Variants in CACNG2 observed in about 807,000 individuals in gnomAD.
CACNG2 encodes voltage-dependent calcium channel gamma-2 subunit.
In CACNG2, 3 loss-of-function variants were observed where a neutral mutation model predicts 25.9. The ratio of observed to expected loss-of-function variants is 0.12; its 90% CI spans 0.05 to 0.30. CACNG2 has a LOEUF of 0.30. Among genes scored for constraint, CACNG2 ranks in the 10% least tolerant of loss-of-function variants. The pLI is 1.00. For synonymous variants in CACNG2, 167 were observed against 173.3 expected, an observed-to-expected ratio of 0.96 and a Z score of 0.29; for missense variants, 341 against 432.5, an observed-to-expected ratio of 0.79 and a Z score of 1.88.
intron 1 of CACNG2, among the ~76,000 whole-genome samples, chr22:36,642,563 T>C (rs1389598192): frequency 6.6e-6 from 1 of 152,210 alleles, no homozygotes; most frequent in Non-Finnish European, 1.5e-5. Flanking sequence ...TTCTATTGCA[T>C]CAGTAAAGCC....
rs894714183 is a variant in CACNG2 at position 36,692,315 on chromosome 22, G to A, written c.211+10051C>T. ...CAAGGTCAAAGAAGTTCAGGAGAGA[G>A]TGAATGAATATAGTGTCAGTAAGGA... On this transcript the variant is annotated intron_variant, in intron 1 of 3. Transcript: ENST00000300105. 2.6e-5 allele frequency among the ~76,000 whole-genome samples: 4 copies of A among 152,220 alleles called. No homozygotes were observed. The East Asian group carries it at 7.7e-4, about 29-fold the overall frequency.
chr22:36,606,091 T>C lies in CACNG2; in HGVS notation c.212-18543A>G, dbSNP rs1041335701. ...TCGGACAAGGTGTTCATCTTTCAGT[T>C]CAGTACTTCAGCTCGTCCTTGAATT... On this transcript the variant is annotated intron_variant, in intron 1 of 3. Transcript: ENST00000300105. The surrounding 1 kb of genome is among the most constrained non-coding windows in gnomAD (Gnocchi z 5.7). Among the ~76,000 whole-genome samples, 46 of 152,318 alleles carry C rather than the reference T, an allele frequency of 3.0e-4. No homozygotes were observed. Among genetic ancestry groups the C allele is most frequent in the African/African-American group, 1.1e-3 (46 of 41,566 alleles).
At chr22:36,645,181 C>A (rs1204251583) in intron 1 of CACNG2, among the ~76,000 whole-genome samples, 1 of 152,108 alleles carries the variant, frequency 6.6e-6, no homozygotes, top group African/African-American at 2.4e-5. Flanking sequence ...CATACCCACA[C>A]CTCTTGGCTC....
In CACNG2 at chr22:36,700,917, G is replaced by A. The variant is rs117584754; in HGVS notation, c.211+1449C>T. 2.2e-3 allele frequency among the ~76,000 whole-genome samples: 334 copies of A among 152,240 alleles called. 2 individuals carry two copies. The highest frequency in any genetic ancestry group is 2.6e-3 in the Non-Finnish European group (177 of 68,022). Reference sequence around the variant, plus strand: ...AAACATGTTCAGCCATCACTCAACCGTTTGCACCAAGAATGTTGGGAGGGG... The same window carrying A: ...AAACATGTTCAGCCATCACTCAACCATTTGCACCAAGAATGTTGGGAGGGG... On this transcript the variant is annotated intron_variant, in intron 1 of 3. Coordinates refer to ENST00000300105, the MANE Select transcript of CACNG2 (RefSeq NM_006078.5).
chr22:36,594,402 C>A (rs973361775), intron 1 of CACNG2, among the ~76,000 whole-genome samples: 1 of 152,200 alleles, frequency 6.6e-6, no homozygotes, highest in African/African-American at 2.4e-5. Context: ...TTGTATGCCA[C>A]GCTCCATGCA....
chr22:36,650,214 C>T (rs1043759369), intron 1 of CACNG2, among the ~76,000 whole-genome samples: 1 of 152,208 alleles, frequency 6.6e-6, no homozygotes, highest in Non-Finnish European at 1.5e-5. Context: ...CCTACAGGGA[C>T]TCCCACCTTA....
chr22:36,660,645 C>T (rs773050563), intron 1 of CACNG2, among the ~76,000 whole-genome samples: 18 of 152,230 alleles, frequency 1.2e-4, no homozygotes, highest in Non-Finnish European at 2.2e-4. Flanking sequence ...CCAGGTGAGG[C>T]GGGCGGGGCG....
At position 36,587,464 on chromosome 22, in the gene CACNG2, C is replaced by T; in HGVS notation, c.295+1G>A. On this transcript the variant is annotated splice_donor_variant, in intron 2 of 3. Coordinates refer to ENST00000300105, the MANE Select transcript of CACNG2 (RefSeq NM_006078.5). LOFTEE classifies it high-confidence loss of function. ...AGATAAAAACAATCGTGTGCACTCA[C>T]GGAGGAAATATTCTGCTGTGTCAGC... 1 of 1,607,432 alleles carries T rather than the reference C, an allele frequency of 6.2e-7. No homozygotes were observed. The highest frequency in any genetic ancestry group is 8.5e-7 in the Non-Finnish European group (1 of 1,173,880).
At chr22:36,643,612 G>T (rs746734799) in intron 1 of CACNG2, among the ~76,000 whole-genome samples, 3 of 152,072 alleles carry the variant, frequency 2.0e-5, no homozygotes, top group African/African-American at 7.2e-5. Flanking sequence ...GGAAGGTCAG[G>T]ACTGGAGGAG....
intron 1 of CACNG2, among the ~76,000 whole-genome samples, chr22:36,630,554 T>G (rs1936252078): frequency 1.3e-5 from 2 of 152,002 alleles, no homozygotes; most frequent in Non-Finnish European, 2.9e-5. Context: ...ACAGGGTGGC[T>G]GGAGGGGAAG....
chr22:36,609,867 C>A (rs1935908382), intron 1 of CACNG2, among the ~76,000 whole-genome samples: 1 of 149,430 alleles, frequency 6.7e-6, no homozygotes, highest in South Asian at 2.1e-4. Flanking sequence ...GGAATCAGCC[C>A]CGCAAACCAT....
At chr22:36,679,601 T>C (rs1384449538) in intron 1 of CACNG2, among the ~76,000 whole-genome samples, 3 of 152,164 alleles carry the variant, frequency 2.0e-5, no homozygotes, top group African/African-American at 4.8e-5. Flanking sequence ...TTTGGGTGAA[T>C]AGACTTGGAG....
At chr22:36,596,771 T>C (rs892113369) in intron 1 of CACNG2, among the ~76,000 whole-genome samples, 1 of 152,142 alleles carries the variant, frequency 6.6e-6, no homozygotes, top group East Asian at 1.9e-4. Flanking sequence ...TCAGTTCTTT[T>C]TTTTGAGACA....
At position 36,638,710 on chromosome 22, in the gene CACNG2, T is replaced by C. The variant is rs190909561; in HGVS notation, c.212-51162A>G. ...TTGTGATATTGTTGACTGTTTTTAG[T>C]TTTTCTCCTCCTCTATTTTATGCGC... On this transcript the variant is annotated intron_variant, in intron 1 of 3. Transcript: ENST00000300105. 5.3e-5 allele frequency among the ~76,000 whole-genome samples: 8 copies of C among 152,298 alleles called. No homozygotes were observed. In the South Asian group the frequency reaches 8.3e-4, roughly 16 times the overall value.
intron 1 of CACNG2, among the ~76,000 whole-genome samples, chr22:36,624,644 G>A (rs1936156477): frequency 1.3e-5 from 2 of 152,082 alleles, no homozygotes; most frequent in Non-Finnish European, 2.9e-5. Flanking sequence ...CTTTGGGAAA[G>A]GTCTAATGAA....
chr22:36,626,768 A>ATCAACTGG (rs1384153390), intron 1 of CACNG2, among the ~76,000 whole-genome samples: 1 of 152,252 alleles, frequency 6.6e-6, no homozygotes, highest in African/African-American at 2.4e-5. Context: ...CAGTTGATTA[A>ATCAACTGG]GAGTCTGTAG....
intron 1 of CACNG2, among the ~76,000 whole-genome samples, chr22:36,609,332 C>A (rs1364177703): frequency 6.8e-6 from 1 of 147,476 alleles, no homozygotes; most frequent in East Asian, 2.0e-4. Flanking sequence ...CAGGAATCAG[C>A]CCCCTAGAGT....
chr22:36,635,820 C>T (rs576284871), intron 1 of CACNG2, among the ~76,000 whole-genome samples: 14 of 152,296 alleles, frequency 9.2e-5, no homozygotes, highest in African/African-American at 3.1e-4. Flanking sequence ...TTGCTCACCA[C>T]GTCCAGTTGT....
intron 1 of CACNG2, among the ~76,000 whole-genome samples, chr22:36,591,746 C>T (rs1341581135): frequency 6.6e-6 from 1 of 152,012 alleles, no homozygotes; most frequent in African/African-American, 2.4e-5. Context: ...GGGAGCAATA[C>T]AGGTGCACTG....
Sources: allele counts gnomAD v4.1 joint callset (sites outside exome capture counted in the v4.1 genomes callset), GRCh38; gene constraint gnomAD v4.1.1; non-coding constraint Gnocchi (gnomAD v3.1); transcripts MANE v1.5; gene names NCBI Gene and HGNC (gene_info 2026-07-23, HGNC 2026-07-21).